The following ANK2 variants were observed in gnomAD, a reference collection of about 807,000 sequenced individuals.
ANK2 encodes the protein ankyrin 2, also known as ankyrin-2.
In ANK2, 83 loss-of-function variants were observed where a neutral mutation model predicts 360.5. The observed-to-expected ratio is 0.23, with a 90% CI of 0.19 to 0.28. The LOEUF is 0.28. Among genes scored for constraint, ANK2 ranks in the 10% least tolerant of loss-of-function variants. The pLI is 1.00. For missense variants in ANK2, 4,201 were observed against 4,795.7 expected, an observed-to-expected ratio of 0.88 and a Z score of 3.66; for synonymous variants, 1,740 against 1,759.5, an observed-to-expected ratio of 0.99 and a Z score of 0.28.
chr4:113,365,047 C>A lies in ANK2; in HGVS notation c.10897C>A (p.Leu3633Ile), dbSNP rs2154052691. 7 of 1,613,800 alleles carry A rather than the reference C, an allele frequency of 4.3e-6. No individual in the cohort carries two copies. Among genetic ancestry groups the A allele is most frequent in the Non-Finnish European group, 5.9e-6 (7 of 1,179,848 alleles). ...TTTCTCTAATGTGTCAGATACCAACCTCGTTGAATGTCTCACCAAGATCAA... is the reference window on the plus strand; with the variant it reads ...TTTCTCTAATGTGTCAGATACCAACATCGTTGAATGTCTCACCAAGATCAA... ...RDGKHATDTN[L>I]VECLTKINRM... The change falls in exon 41 of 46, where the codon CTC becomes ATC. Residue 3633 changes from leucine (L) to isoleucine (I), a missense_variant. Leu to Ile is a conservative substitution (Grantham distance 5). This residue lies in a region of ANK2 where 2,642 missense variants were observed against 2,714.5 expected (regional missense o/e 0.97). Coordinates refer to ENST00000357077, the MANE Select transcript of ANK2 (RefSeq NM_001148.6).
In ANK2 at chr4:113,144,427, AT is replaced by A. The variant is rs1179575434; in HGVS notation, c.85-29988del. ...GTTATTTTTAATTTTTTTAAAAAAA[AT>A]AATGGCAAATGGTTTTTAGCTTTAA... On this transcript the variant is annotated intron_variant, in intron 1 of 45. Coordinates refer to ENST00000357077, the MANE Select transcript of ANK2 (RefSeq NM_001148.6). 2.7e-5 allele frequency among the ~76,000 whole-genome samples: 4 copies of A among 147,366 alleles called. No individual in the cohort carries two copies. The East Asian group carries it at 5.8e-4, about 21-fold the overall frequency.
At chr4:112,922,379 G>A (rs74888948) in intron 2 of ANK2, among the ~76,000 whole-genome samples, 259 of 152,176 alleles carry the variant, frequency 1.7e-3, no homozygotes, top group African/African-American at 6.0e-3. Flanking sequence ...CACATGGGCC[G>A]CATTTAACAA....
chr4:112,951,081 C>CAAAAAA (rs1184265938), intron 2 of ANK2, among the ~76,000 whole-genome samples: 1,540 of 55,892 alleles, frequency 0.028, 69 homozygotes, highest in African/African-American at 0.068. Context: ...GCCTCCGTCT[C>CAAAAAA]AAAAAAAAAA....
intron 1 of ANK2, among the ~76,000 whole-genome samples, chr4:112,887,262 T>A (rs1212796296): frequency 6.6e-6 from 1 of 152,230 alleles, no homozygotes; most frequent in Non-Finnish European, 1.5e-5. Flanking sequence ...GACTTACAAT[T>A]TTTCAACTTT....
chr4:113,318,771 A>G (rs1255273189), intron 26 of ANK2, 151 bp downstream of exon 26: 16 of 685,920 alleles, frequency 2.3e-5, no homozygotes, highest in Non-Finnish European at 2.6e-6. Flanking sequence ...TTTATCCAAC[A>G]TGGACTCTAT....
intron 2 of ANK2, among the ~76,000 whole-genome samples, chr4:112,966,042 G>A (rs2037089212): frequency 1.3e-5 from 2 of 151,294 alleles, no homozygotes; most frequent in African/African-American, 4.8e-5. Flanking sequence ...TTTAAATAAG[G>A]CTATATTTTC....
chr4:113,103,147 C>A (rs2093150525), intron 1 of ANK2, among the ~76,000 whole-genome samples: 1 of 151,996 alleles, frequency 6.6e-6, no homozygotes. Flanking sequence ...GTTGTCTACT[C>A]CTGAAGTGAT....
chr4:113,353,572 A>G lies in ANK2; in HGVS notation c.4954A>G (p.Lys1652Glu), dbSNP rs1371345494. 1.2e-6 allele frequency: 2 copies of G among 1,614,026 alleles called. No individual in the cohort carries two copies. Among genetic ancestry groups the G allele is most frequent in the Non-Finnish European group, 1.7e-6 (2 of 1,179,944 alleles). ...DDLNTCVPLP[K>E]EQLQTVQDKA... ...TCTGAATACCTGTGTGCCTCTTCCC[A>G]AAGAGCAGCTGCAGACAGTTCAAGA... The change falls in exon 38 of 46, where the codon AAA becomes GAA. Residue 1652 changes from lysine to glutamate, a missense_variant. Physicochemically the swap from Lys to Glu is moderately conservative, Grantham distance 56. Coordinates refer to ENST00000357077, the MANE Select transcript of ANK2 (RefSeq NM_001148.6).
the ANK2 span, among the ~76,000 whole-genome samples, chr4:112,783,840 G>T: frequency 6.6e-6 from 1 of 151,772 alleles, no homozygotes. Flanking sequence ...TAGTAGAGAC[G>T]GGGTTTCACC....
Position 113,268,630 on chromosome 4 carries a change from T to G in ANK2, c.1485+3635T>G, listed in dbSNP as rs552632679. 9.2e-5 allele frequency among the ~76,000 whole-genome samples: 14 copies of G among 152,372 alleles called. No homozygotes were observed. The South Asian group carries it at 2.5e-3, about 27-fold the overall frequency. On this transcript the variant is annotated intron_variant, in intron 14 of 45. Transcript: ENST00000357077. ...ATCGTGGTGGATAAGCTTTTTGATG[T>G]GCTGCTGGATTCAGTTTGCCAGTAT...
the ANK2 span, among the ~76,000 whole-genome samples, chr4:112,749,894 C>T: frequency 6.6e-6 from 1 of 151,958 alleles, no homozygotes; most frequent in South Asian, 2.1e-4. Flanking sequence ...TACAGGCGCC[C>T]ACCACCACGC....
chr4:113,181,124 A>C (rs989661386), intron 2 of ANK2, among the ~76,000 whole-genome samples: 1 of 152,192 alleles, frequency 6.6e-6, no homozygotes. Context: ...TAAAAACTTC[A>C]TTCTGTTTAC....
At chr4:113,006,871 CT>C (rs1374239196) in intron 2 of ANK2, among the ~76,000 whole-genome samples, 1 of 151,156 alleles carries the variant, frequency 6.6e-6, no homozygotes, top group Non-Finnish European at 1.5e-5. Flanking sequence ...ACATGTAGGA[CT>C]TTGTCATGAA....
At chr4:113,078,722 G>T (rs187443232) in intron 1 of ANK2, among the ~76,000 whole-genome samples, 1 of 152,290 alleles carries the variant, frequency 6.6e-6, no homozygotes, top group Admixed American at 6.5e-5. Flanking sequence ...TAGGCTGAAT[G>T]CAGAGCCTCT....
chr4:112,778,447 C>T, the ANK2 span, among the ~76,000 whole-genome samples: 1 of 152,298 alleles, frequency 6.6e-6, no homozygotes, highest in East Asian at 1.9e-4. Context: ...GCTGGGATTA[C>T]AGGCATGAAC....
intron 2 of ANK2, among the ~76,000 whole-genome samples, chr4:112,935,108 G>A (rs1037292235): frequency 8.6e-5 from 12 of 139,152 alleles, no homozygotes; most frequent in African/African-American, 3.7e-4. Flanking sequence ...TGTAGGAACC[G>A]AAGTCAGAGA....
At chr4:113,035,905 T>G (rs1016315702) in intron 2 of ANK2, among the ~76,000 whole-genome samples, 1 of 151,958 alleles carries the variant, frequency 6.6e-6, no homozygotes, top group Non-Finnish European at 1.5e-5. Context: ...GATTTTAAAA[T>G]TTTCTGTCCA....
At position 113,255,633 on chromosome 4, in the gene ANK2, C is replaced by T; in HGVS notation, c.991-102C>T. ...AAATGGAAATTATTTTTTCCCCTGC[C>T]ACTAACTGTGTTAGAGATCAAGAAT... is the stretch of plus-strand genomic sequence containing the variant. On this transcript the variant is annotated intron_variant, in intron 10 of 45. Transcript: ENST00000357077. The T allele has an allele frequency of 4.2e-6, 5 of 1,192,570 alleles. No individual in the cohort carries two copies. In the South Asian group the frequency reaches 6.4e-5, roughly 15 times the overall value. 73.9% of individuals were successfully genotyped at this position (1,192,570 alleles called of 1,614,324 possible).
At chr4:113,022,952 A>G (rs1286406084) in intron 2 of ANK2, among the ~76,000 whole-genome samples, 1 of 152,132 alleles carries the variant, frequency 6.6e-6, no homozygotes, top group Non-Finnish European at 1.5e-5. Flanking sequence ...TTGCACACAC[A>G]TAACTCTGTG....
Sources: allele counts gnomAD v4.1 joint callset (sites outside exome capture counted in the v4.1 genomes callset), GRCh38; gene constraint gnomAD v4.1.1; regional missense constraint gnomAD v4.1.1; transcripts MANE v1.5; gene names NCBI Gene and HGNC (gene_info 2026-07-23, HGNC 2026-07-21).